ADAM18: variants seen among roughly 807,000 people sequenced by gnomAD.
ADAM18 encodes ADAM metallopeptidase domain 18, also known as disintegrin and metalloproteinase domain-containing protein 18.
ADAM18 carries 117 observed loss-of-function variants against 94.4 expected under a neutral mutation model. The observed-to-expected ratio is 1.24, with a 90% CI of 1.07 to 1.45. The LOEUF is 1.45. Among genes scored for constraint, ADAM18 ranks in the 40% most tolerant of loss-of-function variants. ADAM18 has a pLI of 0.00. For synonymous variants in ADAM18, 327 were observed against 291.6 expected (o/e 1.12, Z -1.24); for missense variants, 936 against 880.0 (o/e 1.06, Z -0.81).
At position 39,666,913 on chromosome 8, in the gene ADAM18, GTGTT is replaced by G. The variant is rs1344444589; in HGVS notation, c.1327-1081_1327-1078del. ...GTATTTTGTGTGTGTGTTTGTGTGT[GTGTT>G]TGTGTGCATGTGTGTGACATCAACA... On this transcript the variant is annotated intron_variant, in intron 13 of 19. Transcript: ENST00000265707. Among the ~76,000 whole-genome samples, 18 of 152,152 alleles carry G rather than the reference GTGTT, an allele frequency of 1.2e-4. No individual in the cohort carries two copies. In the East Asian group the frequency reaches 2.9e-3, roughly 24 times the overall value.
At chr8:39,599,177 A>C (rs1047117249) in intron 2 of ADAM18, among the ~76,000 whole-genome samples, 1 of 152,216 alleles carries the variant, frequency 6.6e-6, no homozygotes, top group Non-Finnish European at 1.5e-5. Context: ...CCTTTAGACA[A>C]TGTGATGATT....
chr8:39,620,403 AAAAAATGT>A (rs1390673787), intron 6 of ADAM18, among the ~76,000 whole-genome samples: 1 of 149,062 alleles, frequency 6.7e-6, no homozygotes, highest in African/African-American at 2.4e-5. Context: ...CAAAACAAAG[AAAAAATGT>A]AAAAAAAAAC....
At chr8:39,644,233 C>CT (rs1563288461) in intron 10 of ADAM18, among the ~76,000 whole-genome samples, 2 of 151,946 alleles carry the variant, frequency 1.3e-5, no homozygotes, top group Non-Finnish European at 1.5e-5. Context: ...ATGAAAAACA[C>CT]TTTGAGTCCA....
intron 2 of ADAM18, among the ~76,000 whole-genome samples, chr8:39,603,078 CT>C (rs1215467683): frequency 6.6e-6 from 1 of 152,098 alleles, no homozygotes; most frequent in Non-Finnish European, 1.5e-5. Context: ...TGAGATTCGT[CT>C]TTTTGCATGT....
intron 6 of ADAM18, among the ~76,000 whole-genome samples, chr8:39,627,251 G>A (rs1434683005): frequency 1.3e-5 from 2 of 152,076 alleles, no homozygotes; most frequent in Non-Finnish European, 2.9e-5. Context: ...TCACAATCAT[G>A]GCAGAAGATG....
intron 16 of ADAM18, among the ~76,000 whole-genome samples, chr8:39,684,019 C>T (rs1416045041): frequency 6.6e-6 from 1 of 152,106 alleles, no homozygotes; most frequent in Non-Finnish European, 1.5e-5. Context: ...GTGGCACACA[C>T]CTGTAGTCCC....
chr8:39,645,639 C>G (rs1175062764), intron 11 of ADAM18, among the ~76,000 whole-genome samples, 165 bp downstream of exon 11: 3 of 152,122 alleles, frequency 2.0e-5, no homozygotes, highest in Non-Finnish European at 2.9e-5. Flanking sequence ...GGGATATATA[C>G]TATAGATTGA....
chr8:39,617,931 C>A (rs1428822467), intron 6 of ADAM18, among the ~76,000 whole-genome samples: 1 of 152,060 alleles, frequency 6.6e-6, no homozygotes, highest in Non-Finnish European at 1.5e-5. Context: ...CTGTGACATG[C>A]AATTTACCTA....
chr8:39,720,210 A>G (rs968307488), intron 18 of ADAM18, among the ~76,000 whole-genome samples: 1 of 151,574 alleles, frequency 6.6e-6, no homozygotes, highest in African/African-American at 2.4e-5. Context: ...ACTACAAAGA[A>G]TACATACAGT....
rs755315043 is a variant in ADAM18 at position 39,692,709 on chromosome 8, GT to G, written c.1902+31del. ...AGTCACTTTTGTATCTGAATTGCAT[GT>G]TATTCTTGTGGGTAATTCAAATAAA... On this transcript the variant is annotated intron_variant, in intron 17 of 19. Transcript: ENST00000265707. The G allele has an allele frequency of 1.6e-4, 242 of 1,524,418 alleles. 1 individual carries two copies. The highest frequency in any genetic ancestry group is 1.2e-3 in the Middle Eastern group (7 of 5,890). 94.4% of individuals were successfully genotyped at this position (1,524,418 alleles called of 1,614,324 possible). A position where few individuals can be genotyped will look rare whatever the true frequency, so the allele number is the denominator to read the frequency against.
intron 12 of ADAM18, among the ~76,000 whole-genome samples, chr8:39,661,319 ATTTTTTTTTTT>A (rs71518171): frequency 0.035 from 3,939 of 112,836 alleles, 128 homozygotes; most frequent in South Asian, 0.073. Context: ...CACCCGGCAA[ATTTTTTTTTTT>A]TTTTTTTTTT....
chr8:39,653,568 A>G (rs1392542706), intron 12 of ADAM18, among the ~76,000 whole-genome samples: 1 of 152,232 alleles, frequency 6.6e-6, no homozygotes, highest in East Asian at 1.9e-4. Flanking sequence ...ACATGACTCT[A>G]CAAGTAATTA....
intron 18 of ADAM18, among the ~76,000 whole-genome samples, chr8:39,709,934 G>A (rs1273813062): frequency 1.3e-5 from 2 of 152,212 alleles, no homozygotes; most frequent in South Asian, 2.1e-4. Flanking sequence ...TGAAAATAAT[G>A]CATTTAAGTT....
chr8:39,629,850 T>C (rs2129579068), intron 7 of ADAM18, among the ~76,000 whole-genome samples: 1 of 152,082 alleles, frequency 6.6e-6, no homozygotes, highest in East Asian at 1.9e-4. Context: ...CAACCAATTA[T>C]GAGTAACAGC....
intron 6 of ADAM18, among the ~76,000 whole-genome samples, chr8:39,618,039 A>G (rs1819495777): frequency 6.6e-6 from 1 of 152,232 alleles, no homozygotes; most frequent in Non-Finnish European, 1.5e-5. Context: ...GACCTATTTG[A>G]CGCCTCCAAA....
intron 2 of ADAM18, among the ~76,000 whole-genome samples, chr8:39,585,910 A>C (rs1818380888): frequency 6.6e-6 from 1 of 152,348 alleles, no homozygotes; most frequent in South Asian, 2.1e-4. Context: ...AAACTGATTA[A>C]ACTGAAGGCA....
chr8:39,631,321 C>A (rs1214743603), intron 7 of ADAM18, among the ~76,000 whole-genome samples: 2 of 151,760 alleles, frequency 1.3e-5, no homozygotes, highest in African/African-American at 4.8e-5. Context: ...ATGTATTTTT[C>A]TTTACCTTTT....
intron 14 of ADAM18, among the ~76,000 whole-genome samples, chr8:39,669,089 C>T (rs1821076906): frequency 2.6e-5 from 4 of 151,378 alleles, no homozygotes; most frequent in African/African-American, 7.3e-5. Flanking sequence ...ATACTTATTT[C>T]TGTTTGAATA....
At chr8:39,606,538 C>A (rs1203067800) in intron 3 of ADAM18, among the ~76,000 whole-genome samples, 176 bp downstream of exon 3, 2 of 152,100 alleles carry the variant, frequency 1.3e-5, no homozygotes, top group Admixed American at 1.3e-4. Flanking sequence ...ATCTATAGAG[C>A]TCTTTCATTT....
Sources: allele counts gnomAD v4.1 joint callset (sites outside exome capture counted in the v4.1 genomes callset), GRCh38; gene constraint gnomAD v4.1.1; transcripts MANE v1.5; gene names NCBI Gene and HGNC (gene_info 2026-07-23, HGNC 2026-07-21).